Variants in SPP2 observed in about 807,000 individuals in gnomAD.
The protein encoded by SPP2 is secreted phosphoprotein 2.
SPP2 carries 34 observed loss-of-function variants against 28.8 expected under a neutral mutation model. The ratio of observed to expected loss-of-function variants is 1.18; its 90% CI spans 0.90 to 1.57. The LOEUF is 1.57. Ranked by LOEUF, SPP2 falls within the 40% of genes most tolerant of loss-of-function variation. The pLI is 0.00. For missense variants in SPP2, 269 were observed against 263.9 expected (o/e 1.02, Z -0.13); for synonymous variants, 96 against 89.4 (o/e 1.07, Z -0.42).
At chr2:234,062,258 C>G (rs1465768045) in intron 4 of SPP2, among the ~76,000 whole-genome samples, 1 of 152,106 alleles carries the variant, frequency 6.6e-6, no homozygotes, top group African/African-American at 2.4e-5. Context: ...GACAGCTTCC[C>G]CCAGGAACTG....
chr2:234,055,035 C>A (rs750569777), intron 2 of SPP2, among the ~76,000 whole-genome samples: 1 of 152,154 alleles, frequency 6.6e-6, no homozygotes, highest in Non-Finnish European at 1.5e-5. Flanking sequence ...ATAAGGGATT[C>A]ATTTGAAAAA....
Position 234,067,272 on chromosome 2 carries a change from T to G in SPP2, c.548T>G (p.Leu183Arg). Residue 183 changes from leucine (L) to arginine (R), a missense_variant and splice_region_variant, in exon 6 of 8, where the codon CTT becomes CGT. Coordinates refer to ENST00000168148, the MANE Select transcript of SPP2 (RefSeq NM_006944.3). ...SISEQFYDRS[L>R]GIMRRVLPPG... ...AGTGAACAATTTTATGATCGGTCAC[T>G]TGGTAAGTGATTTCTTTCCTGCTGT... 6.2e-7 allele frequency: 1 copy of G among 1,614,080 alleles called. No homozygotes were observed. The highest frequency in any genetic ancestry group is 8.5e-7 in the Non-Finnish European group (1 of 1,179,966).
chr2:234,075,584 G>A (rs1254712710), intron 7 of SPP2, among the ~76,000 whole-genome samples: 1 of 152,164 alleles, frequency 6.6e-6, no homozygotes, highest in African/African-American at 2.4e-5. Flanking sequence ...ACTCTTCACA[G>A]ACCGGCTTCT....
intron 6 of SPP2, among the ~76,000 whole-genome samples, chr2:234,069,181 T>C (rs62184261): frequency 7.2e-6 from 1 of 138,660 alleles, no homozygotes; most frequent in Non-Finnish European, 1.6e-5. Flanking sequence ...CAGAGATGAT[T>C]ATTTGAGAGA....
rs76042552 is a variant in SPP2, at chr2:234,064,633, T to C, written c.445-1900T>C. On this transcript the variant is annotated intron_variant, in intron 4 of 7. Coordinates refer to ENST00000168148, the MANE Select transcript of SPP2 (RefSeq NM_006944.3). Reference sequence around the variant, plus strand: ...ATGTACAGTTCAGTGGTTTCTAGCATATTCACAACTGCCACCACCATTTAA... The same window carrying C: ...ATGTACAGTTCAGTGGTTTCTAGCACATTCACAACTGCCACCACCATTTAA... 3.5e-3 allele frequency among the ~76,000 whole-genome samples: 536 copies of C among 152,310 alleles called. 5 individuals carry two copies. The highest frequency in any genetic ancestry group is 0.012 in the African/African-American group (518 of 41,558).
intron 4 of SPP2, among the ~76,000 whole-genome samples, chr2:234,060,690 T>C (rs1693701780): frequency 6.6e-6 from 1 of 151,648 alleles, no homozygotes; most frequent in Admixed American, 6.6e-5. Context: ...CTCGTGTATG[T>C]CCTCTCTCTT....
chr2:234,075,653 C>T (rs1690881291), intron 7 of SPP2, among the ~76,000 whole-genome samples: 1 of 152,198 alleles, frequency 6.6e-6, no homozygotes, highest in South Asian at 2.1e-4. Flanking sequence ...TCTCCTTCTG[C>T]TCATGGCCTT....
chr2:234,050,986 A>G lies in SPP2; in HGVS notation c.101A>G (p.Asp34Gly). ...YWSCSGFPVY[D>G]YDPSSLRDAL... ...GCGTGTCCAGGTTTCCCAGTGTACG[A>G]CTACGATCCATCCTCCTTAAGGGAT... Residue 34 changes from aspartate (D) to glycine (G), a missense_variant, in exon 2 of 8, where the codon GAC (aspartate) becomes GGC (glycine). By Grantham distance (94) the Asp-to-Gly change is moderately conservative (BLOSUM62 -1). Coordinates refer to ENST00000168148, the MANE Select transcript of SPP2 (RefSeq NM_006944.3). 1 of 1,614,002 alleles carries G rather than the reference A, an allele frequency of 6.2e-7. No individual in the cohort carries two copies. The highest frequency in any genetic ancestry group is 8.5e-7 in the Non-Finnish European group (1 of 1,179,946).
At chr2:234,068,532 T>G (rs1335105947) in intron 6 of SPP2, among the ~76,000 whole-genome samples, 1 of 152,162 alleles carries the variant, frequency 6.6e-6, no homozygotes, top group East Asian at 1.9e-4. Flanking sequence ...AAACTCCAGT[T>G]TATTTGAAGT....
Position 234,068,992 on chromosome 2 carries a change from G to A in SPP2, c.551-936G>A, listed in dbSNP as rs1693880545. 3.3e-5 allele frequency among the ~76,000 whole-genome samples: 5 copies of A among 152,096 alleles called. No individual in the cohort carries two copies. The South Asian group carries it at 8.3e-4, about 25-fold the overall frequency. ...AAAGGTTTCAGATAAGACGTTGACT[G>A]GGCTGTGATCTCATCTGAAGCTTGA... On this transcript the variant is annotated intron_variant, in intron 6 of 7. Coordinates refer to ENST00000168148, the MANE Select transcript of SPP2 (RefSeq NM_006944.3).
At chr2:234,053,270 G>A (rs1693536507) in intron 2 of SPP2, among the ~76,000 whole-genome samples, 1 of 152,190 alleles carries the variant, frequency 6.6e-6, no homozygotes, top group African/African-American at 2.4e-5. Flanking sequence ...TTACTAGCAT[G>A]TTAAACGTTA....
intron 5 of SPP2, 63 bp downstream of exon 5, chr2:234,066,650 G>C (rs1693828326): frequency 8.3e-7 from 1 of 1,201,380 alleles, no homozygotes. Context: ...GCAACTCTTT[G>C]TTAGTGAGTC....
At position 234,072,458 on chromosome 2, in the gene SPP2, G is replaced by A. The variant is rs541710963; in HGVS notation, c.*10+2435G>A. Among the ~76,000 whole-genome samples the A allele has an allele frequency of 1.9e-3, 293 of 152,172 alleles. 2 individuals carry two copies. The highest frequency in any genetic ancestry group is 6.8e-3 in the African/African-American group (281 of 41,518). On this transcript the variant is annotated intron_variant, in intron 7 of 7. Coordinates refer to ENST00000168148, the MANE Select transcript of SPP2 (RefSeq NM_006944.3). ...GGAGAATAGAGTTCTCAATGGATTG[G>A]CTGTATTTTGTTTATTAGTAATATG... is the stretch of plus-strand genomic sequence containing the variant.
intron 2 of SPP2, among the ~76,000 whole-genome samples, chr2:234,057,687 C>G (rs1693636086): frequency 6.6e-6 from 1 of 152,164 alleles, no homozygotes; most frequent in Non-Finnish European, 1.5e-5. Flanking sequence ...TTTGTGACAT[C>G]AGAACTCCCC....
At chr2:234,068,545 T>C (rs1002937601) in intron 6 of SPP2, among the ~76,000 whole-genome samples, 4 of 152,198 alleles carry the variant, frequency 2.6e-5, no homozygotes, top group African/African-American at 9.7e-5. Flanking sequence ...TTTGAAGTGC[T>C]AGAGCTTATA....
chr2:234,073,345 T>C (rs1371993241), intron 7 of SPP2, among the ~76,000 whole-genome samples: 7 of 152,178 alleles, frequency 4.6e-5, no homozygotes, highest in Middle Eastern at 3.2e-3. Flanking sequence ...ATCAATCAGA[T>C]TGGGAGGGAA....
At position 234,059,047 on chromosome 2, in the gene SPP2, C is replaced by T; in HGVS notation, c.333+89C>T. 4 of 1,491,840 alleles carry T rather than the reference C, an allele frequency of 2.7e-6. No homozygotes were observed. The South Asian group carries it at 5.5e-5, about 21-fold the overall frequency. 92.4% of individuals were successfully genotyped at this position (1,491,840 alleles called of 1,614,324 possible). On this transcript the variant is annotated intron_variant, in intron 3 of 7. Transcript: ENST00000168148. ...TGGAGTCACACAAAGAACTTGGTCG[C>T]TGCCTGGCTAGCATCTGGCCACACT... is the stretch of plus-strand genomic sequence containing the variant.
At chr2:234,066,445 G>T in intron 4 of SPP2, 88 bp from the exon 5 acceptor site, 1 of 1,035,106 alleles carries the variant, frequency 9.7e-7, no homozygotes. Flanking sequence ...ATATATCAGA[G>T]TCTTCCAGAT....
chr2:234,053,612 G>T (rs2125450241), intron 2 of SPP2, among the ~76,000 whole-genome samples: 1 of 151,084 alleles, frequency 6.6e-6, no homozygotes, highest in African/African-American at 2.4e-5. Flanking sequence ...AGAACCACTG[G>T]GTATTACCAA....
Sources: allele counts gnomAD v4.1 joint callset (sites outside exome capture counted in the v4.1 genomes callset), GRCh38; gene constraint gnomAD v4.1.1; transcripts MANE v1.5; gene names NCBI Gene and HGNC (gene_info 2026-07-23, HGNC 2026-07-21).